Variants in SLC14A2 observed in about 807,000 individuals in gnomAD.
SLC14A2 encodes the protein urea transporter 2.
SLC14A2 carries 91 observed loss-of-function variants against 104.6 expected under a neutral mutation model. The ratio of observed to expected loss-of-function variants is 0.87; its 90% CI spans 0.73 to 1.04. SLC14A2 has a LOEUF of 1.04. Among genes scored for constraint, SLC14A2 ranks in the 50% least tolerant of loss-of-function variants. The probability of loss-of-function intolerance (pLI) is 0.00; values close to 1 mark genes in which losing one functional copy is unlikely to be tolerated. For synonymous variants in SLC14A2, 476 were observed against 466.4 expected (o/e 1.02, Z -0.27); for missense variants, 1,189 against 1,156.0 (o/e 1.03, Z -0.41).
chr18:45,639,660 C>A, intron 6 of SLC14A2, 86 bp from the exon 7 acceptor site: 1 of 1,360,050 alleles, frequency 7.4e-7, no homozygotes. Flanking sequence ...CATTACTCCC[C>A]CGAGGAATGG....
At chr18:45,250,755 CTT>C (rs67864793) in intron 1 of SLC14A2, among the ~76,000 whole-genome samples, 67 of 93,884 alleles carry the variant, frequency 7.1e-4, no homozygotes, top group Non-Finnish European at 9.0e-4. Flanking sequence ...TGGCTTCTTC[CTT>C]TTTTTTTTTT....
chr18:45,274,842 CTAG>C (rs2084686005), intron 1 of SLC14A2, among the ~76,000 whole-genome samples: 1 of 152,196 alleles, frequency 6.6e-6, no homozygotes, highest in African/African-American at 2.4e-5. Flanking sequence ...CCAAGTCTCC[CTAG>C]AGAACGTGAT....
intron 2 of SLC14A2, among the ~76,000 whole-genome samples, chr18:45,551,549 C>G (rs1372159138): frequency 6.6e-6 from 1 of 152,194 alleles, no homozygotes; most frequent in East Asian, 1.9e-4. Flanking sequence ...TCCAGGCTCT[C>G]TGGCATGTCT....
At chr18:45,191,759 C>T in the SLC14A2 span, among the ~76,000 whole-genome samples, 1 of 152,134 alleles carries the variant, frequency 6.6e-6, no homozygotes, top group Non-Finnish European at 1.5e-5. Flanking sequence ...GCAGACACCC[C>T]TGGGTGTCCA....
At chr18:45,239,884 A>G (rs565881453) in intron 1 of SLC14A2, among the ~76,000 whole-genome samples, 83 of 152,302 alleles carry the variant, frequency 5.4e-4, no homozygotes, top group African/African-American at 1.7e-3. Flanking sequence ...TAACAATTCA[A>G]TGAGGATTAT....
intron 10 of SLC14A2, 31 bp from the exon 11 acceptor site, chr18:45,663,754 C>T: frequency 1.2e-6 from 2 of 1,607,294 alleles, no homozygotes; most frequent in Non-Finnish European, 1.7e-6. Context: ...CTAGGTGGGA[C>T]ACTGACCTGT....
At chr18:45,669,914 T>C (rs571229475) in intron 16 of SLC14A2, among the ~76,000 whole-genome samples, 2 of 152,360 alleles carry the variant, frequency 1.3e-5, no homozygotes, top group East Asian at 3.9e-4. Flanking sequence ...GTACACATCA[T>C]GCTACCATCT....
intron 14 of SLC14A2, 109 bp from the exon 15 acceptor site, chr18:45,668,240 T>G: frequency 6.9e-7 from 1 of 1,442,618 alleles, no homozygotes; most frequent in African/African-American, 1.4e-5. Context: ...GGTGGTCTAT[T>G]TGAAGGCGTG....
At chr18:45,676,015 C>A (rs2046224880) in intron 18 of SLC14A2, among the ~76,000 whole-genome samples, 1 of 152,110 alleles carries the variant, frequency 6.6e-6, no homozygotes, top group South Asian at 2.1e-4. Context: ...ACTTTAACTT[C>A]TTAATAGGCC....
intron 1 of SLC14A2, among the ~76,000 whole-genome samples, chr18:45,464,975 C>T (rs2087113819): frequency 6.6e-6 from 1 of 152,092 alleles, no homozygotes; most frequent in African/African-American, 2.4e-5. Context: ...AGCCAAAATG[C>T]AGGCAGGCAG....
intron 2 of SLC14A2, among the ~76,000 whole-genome samples, chr18:45,579,885 G>T (rs1395916173): frequency 6.6e-6 from 1 of 152,192 alleles, no homozygotes; most frequent in Non-Finnish European, 1.5e-5. Flanking sequence ...AGAAAGAGAG[G>T]GAGTGTGAAC....
chr18:45,338,682 C>CAAAAAA (rs59474827), intron 1 of SLC14A2, among the ~76,000 whole-genome samples: 549 of 51,776 alleles, frequency 0.011, 78 homozygotes, highest in East Asian at 0.03. Context: ...CACTGGCTCA[C>CAAAAAA]AAAAAAAAAA....
intron 1 of SLC14A2, among the ~76,000 whole-genome samples, chr18:45,295,885 C>T (rs1242966549): frequency 6.6e-6 from 1 of 151,996 alleles, no homozygotes. Context: ...TGCCCATCTG[C>T]AAAATGGGAA....
intron 1 of SLC14A2, among the ~76,000 whole-genome samples, chr18:45,298,659 C>T (rs963659305): frequency 2.6e-4 from 39 of 152,050 alleles, no homozygotes; most frequent in African/African-American, 8.9e-4. Context: ...ATGTGATTAA[C>T]GTTTGATTGT....
rs1222796083 is a variant in SLC14A2, at chr18:45,683,174, T to C, written c.*655T>C. 6.5e-6 allele frequency: 1 copy of C among 153,032 alleles called. No individual in the cohort carries two copies. Among genetic ancestry groups the C allele is most frequent in the Non-Finnish European group, 1.5e-5 (1 of 68,890 alleles). The allele number at this position is 153,032 out of a possible 1,614,324, so 9.5% of individuals were successfully genotyped here. A position where few individuals can be genotyped will look rare whatever the true frequency, so the allele number is the denominator to read the frequency against. ...CATCACACAACTCGGTCATTTAATATGGCAAAACACAATACCAAGAACTGT... is the reference window on the plus strand; with the variant it reads ...CATCACACAACTCGGTCATTTAATACGGCAAAACACAATACCAAGAACTGT... On this transcript the variant is annotated 3_prime_UTR_variant, in exon 20 of 20. Transcript: ENST00000255226.
rs1301788240 is a variant in SLC14A2 at position 45,639,800 on chromosome 18, T to A, written c.898T>A (p.Trp300Arg). The change falls in exon 7 of 20, where the codon TGG becomes AGG. Residue 300 changes from tryptophan to arginine, a missense_variant. Physicochemically the swap from Trp to Arg is moderately radical, Grantham distance 101. Transcript: ENST00000255226. Reference protein sequence around the residue: ...VGQVYGCDNPWTGGVFLVALF... With the variant: ...VGQVYGCDNPRTGGVFLVALF... ...CCAGGTGTATGGCTGTGACAATCCC[T>A]GGACAGGCGGCGTGTTCCTGGTGGC... is the stretch of plus-strand genomic sequence containing the variant. 4 of 1,613,942 alleles carry A rather than the reference T, an allele frequency of 2.5e-6. No individual in the cohort carries two copies. In the African/African-American group the frequency reaches 5.3e-5, roughly 22 times the overall value.
the SLC14A2 span, among the ~76,000 whole-genome samples, chr18:45,201,212 G>T: frequency 6.6e-6 from 1 of 151,916 alleles, no homozygotes; most frequent in Admixed American, 6.6e-5. Flanking sequence ...TGATGTCTGA[G>T]GTAGTGTTAG....
intron 2 of SLC14A2, among the ~76,000 whole-genome samples, chr18:45,625,242 A>T (rs1475284296): frequency 6.6e-6 from 1 of 152,182 alleles, no homozygotes; most frequent in Non-Finnish European, 1.5e-5. Flanking sequence ...CTGACTTGCG[A>T]TGAGGAGGTC....
At chr18:45,569,750 C>T (rs781314592) in intron 2 of SLC14A2, among the ~76,000 whole-genome samples, 1 of 152,082 alleles carries the variant, frequency 6.6e-6, no homozygotes, top group Admixed American at 6.6e-5. Context: ...GAGTCCACAC[C>T]GATAACCACT....
Sources: gnomAD v4.1 joint callset for allele counts (sites outside exome capture counted in the v4.1 genomes callset) on GRCh38, gnomAD v4.1.1 for gene constraint, MANE v1.5 for transcripts, NCBI Gene and HGNC (gene_info 2026-07-23, HGNC 2026-07-21) for gene names.